The following PSMD7 variants were observed in gnomAD, a reference collection of about 807,000 sequenced individuals.
The protein encoded by PSMD7 is proteasome 26S subunit, non-ATPase 7, also known as 26S proteasome non-ATPase regulatory subunit 7.
In PSMD7, 13 loss-of-function variants were observed where a neutral mutation model predicts 36.4. The observed-to-expected ratio is 0.36, with a 90% CI of 0.23 to 0.57. The LOEUF (loss-of-function observed/expected upper bound fraction) is 0.57. PSMD7 is among the 20% of genes least tolerant of loss of function. PSMD7 has a pLI of 0.83. For synonymous variants in PSMD7, 186 were observed against 151.0 expected (o/e 1.23, Z -1.70); for missense variants, 298 against 393.6 (o/e 0.76, Z 2.06).
At chr16:74,299,897 A>G (rs924647690) in intron 1 of PSMD7, among the ~76,000 whole-genome samples, 3 of 152,230 alleles carry the variant, frequency 2.0e-5, no homozygotes, top group Non-Finnish European at 4.4e-5. Flanking sequence ...TTCACAGTCA[A>G]TGTTAGGTAA....
chr16:74,304,592 C>G (rs1167482284), intron 6 of PSMD7, 198 bp downstream of exon 6: 6 of 492,122 alleles, frequency 1.2e-5, no homozygotes, highest in Non-Finnish European at 1.8e-5. Flanking sequence ...TGAACTACAT[C>G]AACTGTAAAA....
chr16:74,305,637 A>G lies in PSMD7; in HGVS notation c.879A>G (p.Lys293=). 1 of 1,584,570 alleles carries G rather than the reference A, an allele frequency of 6.3e-7. No homozygotes were observed. Among genetic ancestry groups the G allele is most frequent in the South Asian group, 1.1e-5 (1 of 88,252 alleles). Residue 293 remains lysine (K), a synonymous_variant, in exon 7 of 7, where the codon AAA becomes AAG. Transcript: ENST00000219313. ...CAGAGAAGAAAGAAGGGCAGGAGAA[A>G]GAAGAGAGCAAAAAGGATAGGAAAG... ...RDAEKKEGQE[K]EESKKDRKED... is the part of the protein sequence containing the mutation.
intron 3 of PSMD7, 141 bp from the exon 4 acceptor site, chr16:74,301,414 A>G (rs1387702740): frequency 3.1e-6 from 2 of 653,264 alleles, no homozygotes; most frequent in Non-Finnish European, 5.2e-6. Context: ...CTTCCATTAG[A>G]GTTTTAGTAC....
chr16:74,300,281 T>C (rs1439209843), intron 2 of PSMD7, 75 bp downstream of exon 2: 1 of 1,363,302 alleles, frequency 7.3e-7, no homozygotes. Flanking sequence ...AAACCTTTGT[T>C]ACCGCTTTTG....
chr16:74,304,660 T>C (rs1389397936), intron 6 of PSMD7: 1 of 333,662 alleles, frequency 3.0e-6, no homozygotes, highest in South Asian at 5.1e-5. Flanking sequence ...GAAACTATAA[T>C]GTTGACTGAC....
In PSMD7 at chr16:74,305,292, T is replaced by C; in HGVS notation, c.534T>C (p.Asp178=). 1 of 1,607,218 alleles carries C rather than the reference T, an allele frequency of 6.2e-7. No homozygotes were observed. The highest frequency in any genetic ancestry group is 8.5e-7 in the Non-Finnish European group (1 of 1,176,186). The part of the protein sequence containing the change: ...EEVGVEHLLR[D]IKDTTVGTLS... Reference sequence around the variant, plus strand: ...TTTTAACTGTGGGTTATTACAGAGATATCAAAGACACGACGGTGGGCACTC... The same window carrying C: ...TTTTAACTGTGGGTTATTACAGAGACATCAAAGACACGACGGTGGGCACTC... The change falls in exon 7 of 7, where the codon GAT becomes GAC. Residue 178 remains aspartate, a synonymous_variant. Coordinates refer to ENST00000219313, the MANE Select transcript of PSMD7 (RefSeq NM_002811.5).
At chr16:74,303,428 TACAG>T (rs370051193) in intron 5 of PSMD7, among the ~76,000 whole-genome samples, 6 of 152,316 alleles carry the variant, frequency 3.9e-5, no homozygotes, top group African/African-American at 9.6e-5. Context: ...CTTCCTCCCT[TACAG>T]ACAGTTTACA....
chr16:74,303,833 T>C (rs1220322981), intron 5 of PSMD7, among the ~76,000 whole-genome samples: 1 of 152,056 alleles, frequency 6.6e-6, no homozygotes, highest in Non-Finnish European at 1.5e-5. Context: ...GTGATTCTCG[T>C]TCCTCAGCCT....
At position 74,302,226 on chromosome 16, in the gene PSMD7, T is replaced by C. The variant is rs1597119033; in HGVS notation, c.372T>C (p.Ile124=). Reference sequence around the variant, plus strand: ...TTCTCTGCCAGGTATTGGTCATCATTGATGTGAAGCCGAAGGACCTAGGGC... The same window carrying C: ...TTCTCTGCCAGGTATTGGTCATCATCGATGTGAAGCCGAAGGACCTAGGGC... ...RYCPNSVLVI[I]DVKPKDLGLP... is the part of the protein sequence containing the mutation. The change falls in exon 5 of 7, where the codon ATT becomes ATC. Residue 124 remains isoleucine (I), a synonymous_variant. Transcript: ENST00000219313. 1 of 1,614,022 alleles carries C rather than the reference T, an allele frequency of 6.2e-7. No individual in the cohort carries two copies. Among genetic ancestry groups the C allele is most frequent in the East Asian group, 2.2e-5 (1 of 44,884 alleles).
rs1245160471 is a variant in PSMD7, at chr16:74,305,780, A to G, written c.*47A>G. 6.4e-6 allele frequency: 9 copies of G among 1,407,982 alleles called. No individual in the cohort carries two copies. The East Asian group carries it at 2.0e-4, about 32-fold the overall frequency. The allele number at this position is 1,407,982 out of a possible 1,614,324, so 87.2% of individuals were successfully genotyped here. On this transcript the variant is annotated 3_prime_UTR_variant, in exon 7 of 7. Transcript: ENST00000219313. ...TTAATTTGTAAATTAAAATCTTACA[A>G]ACTAAATCAGTGTGCTGCTAGAGGG...
chr16:74,300,042 A>T (rs1416255518), intron 1 of PSMD7, 73 bp from the exon 2 acceptor site: 2 of 1,285,542 alleles, frequency 1.6e-6, no homozygotes, highest in East Asian at 2.3e-5. Flanking sequence ...GATATTTCCC[A>T]TTGAGTATCT....
At chr16:74,299,680 C>T (rs1248340068) in intron 1 of PSMD7, 1 of 401,404 alleles carries the variant, frequency 2.5e-6, no homozygotes, top group Non-Finnish European at 5.2e-6. Flanking sequence ...AGGCATGAGC[C>T]ACTGCATCCG....
intron 1 of PSMD7, 134 bp downstream of exon 1, chr16:74,297,122 TC>T: frequency 1.1e-6 from 1 of 928,198 alleles, no homozygotes; most frequent in South Asian, 1.5e-5. Flanking sequence ...TGTTCACGAG[TC>T]CAGACCAGCG....
rs1198663050 is a variant in PSMD7 at position 74,302,289 on chromosome 16, T to C, written c.435T>C (p.His145=). ...CGTACATTTCAGTGGAAGAAGTCCA[T>C]GATGTAAGTCATCTTGCTATGAACC... ...TEAYISVEEV[H]DDGTPTSKTF... Residue 145 remains histidine, a synonymous_variant, in exon 5 of 7, where the codon CAT becomes CAC. Transcript: ENST00000219313. 3 of 1,613,454 alleles carry C rather than the reference T, an allele frequency of 1.9e-6. No homozygotes were observed. The highest frequency in any genetic ancestry group is 1.3e-5 in the African/African-American group (1 of 74,908).
Position 74,302,234 on chromosome 16 carries a change from A to G in PSMD7, c.380A>G (p.Lys127Arg). ...CAGGTATTGGTCATCATTGATGTGA[A>G]GCCGAAGGACCTAGGGCTGCCTACA... is the stretch of plus-strand genomic sequence containing the variant. ...PNSVLVIIDV[K>R]PKDLGLPTEA... Residue 127 changes from lysine to arginine, a missense_variant, in exon 5 of 7, where the codon AAG becomes AGG. Transcript: ENST00000219313. The G allele has an allele frequency of 6.2e-7, 1 of 1,614,082 alleles. No individual in the cohort carries two copies. The highest frequency in any genetic ancestry group is 1.7e-5 in the Admixed American group (1 of 59,984).
rs1163094174 is a variant in PSMD7, at chr16:74,306,163, C to G, written c.*430C>G. 2.6e-5 allele frequency: 4 copies of G among 153,796 alleles called. No individual in the cohort carries two copies. The highest frequency in any genetic ancestry group is 4.8e-5 in the African/African-American group (2 of 41,468). 9.5% of individuals were successfully genotyped at this position (153,796 alleles called of 1,614,324 possible). The stretch of plus-strand genomic sequence containing the variant: ...TCTGGTAACACGTAGAGTTCAGACC[C>G]TTCTGAACTCTGTTGATAATACCAC... On this transcript the variant is annotated 3_prime_UTR_variant, in exon 7 of 7. Coordinates refer to ENST00000219313, the MANE Select transcript of PSMD7 (RefSeq NM_002811.5).
At position 74,301,596 on chromosome 16, in the gene PSMD7, C is replaced by T. The variant is rs775698533; in HGVS notation, c.301C>T (p.Leu101=). The change falls in exon 4 of 7, where the codon CTA becomes TTA. Residue 101 remains leucine (L), a synonymous_variant. Transcript: ENST00000219313. ...IVGWYHTGPK[L]HKNDIAINEL... ...TGGCTGGTACCACACAGGCCCTAAA[C>T]TACACAAGAATGACATTGCCATCAA... 1.2e-6 allele frequency: 2 copies of T among 1,613,854 alleles called. No homozygotes were observed. Among genetic ancestry groups the T allele is most frequent in the Admixed American group, 3.3e-5 (2 of 60,010 alleles).
rs1461719088 is a variant in PSMD7, at chr16:74,306,178, G to C, written c.*445G>C. On this transcript the variant is annotated 3_prime_UTR_variant, in exon 7 of 7. Coordinates refer to ENST00000219313, the MANE Select transcript of PSMD7 (RefSeq NM_002811.5). The stretch of plus-strand genomic sequence containing the variant: ...AGTTCAGACCCTTCTGAACTCTGTT[G>C]ATAATACCACACCATGTTCTGGACC... The C allele has an allele frequency of 3.3e-5, 5 of 153,228 alleles. No individual in the cohort carries two copies. Among genetic ancestry groups the C allele is most frequent in the Non-Finnish European group, 7.3e-5 (5 of 68,508 alleles). The allele number at this position is 153,228 out of a possible 1,614,324, so 9.5% of individuals were successfully genotyped here.
At position 74,304,237 on chromosome 16, in the gene PSMD7, C is replaced by T. The variant is rs565098235; in HGVS notation, c.439-66C>T. 1.3e-4 allele frequency: 195 copies of T among 1,445,032 alleles called. No homozygotes were observed. In the African/African-American group the frequency reaches 1.7e-3, roughly 12 times the overall value. 89.5% of individuals were successfully genotyped at this position (1,445,032 alleles called of 1,614,324 possible). A position where few individuals can be genotyped will look rare whatever the true frequency, so the allele number is the denominator to read the frequency against. On this transcript the variant is annotated intron_variant, in intron 5 of 6. Coordinates refer to ENST00000219313, the MANE Select transcript of PSMD7 (RefSeq NM_002811.5). ...GACTTAAAGCAAAAGACTCAGGGTG[C>T]GAAAAGGAACACATGTCAGTTCGTT...
Sources: allele counts gnomAD v4.1 joint callset (sites outside exome capture counted in the v4.1 genomes callset), GRCh38; gene constraint gnomAD v4.1.1; transcripts MANE v1.5; gene names NCBI Gene and HGNC (gene_info 2026-07-23, HGNC 2026-07-21).